Variants in EPHA5 observed in about 807,000 individuals in gnomAD.
EPHA5 encodes EPH receptor A5.
A neutral mutation model predicts 105.0 loss-of-function variants in EPHA5; 60 were observed. The ratio of observed to expected loss-of-function variants is 0.57; its 90% confidence interval spans 0.46 to 0.71. The LOEUF (loss-of-function observed/expected upper bound fraction) is 0.71, where lower values mean the gene tolerates loss of function less well. EPHA5 is among the 30% of genes least tolerant of loss of function. The pLI is 0.00. For synonymous variants in EPHA5, 513 were observed against 449.1 expected (o/e 1.14, Z -1.80); for missense variants, 1,218 against 1,274.7 (o/e 0.96, Z 0.68).
intron 3 of EPHA5, among the ~76,000 whole-genome samples, chr4:65,591,303 T>C (rs1742624250): frequency 6.6e-6 from 1 of 152,094 alleles, no homozygotes; most frequent in Non-Finnish European, 1.5e-5. Flanking sequence ...AATCTTATTG[T>C]AATAACTAGT....
intron 3 of EPHA5, among the ~76,000 whole-genome samples, chr4:65,500,298 T>G (rs1484103003): frequency 6.6e-6 from 1 of 151,298 alleles, no homozygotes; most frequent in African/African-American, 2.4e-5. Flanking sequence ...GCACCCATAT[T>G]GACATGTTTC....
chr4:65,491,279 G>A (rs547996531), intron 4 of EPHA5, among the ~76,000 whole-genome samples: 16 of 150,828 alleles, frequency 1.1e-4, no homozygotes, highest in Admixed American at 9.9e-4. Flanking sequence ...TATCAAAAAA[G>A]CATTAGAATT....
intron 5 of EPHA5, among the ~76,000 whole-genome samples, chr4:65,455,008 G>A (rs58657993): frequency 0.012 from 1,869 of 152,234 alleles, 44 homozygotes; most frequent in African/African-American, 0.042. Flanking sequence ...CACTTTGGGA[G>A]GCCGAGGCGG....
At chr4:65,422,040 C>T (rs1421299258) in intron 5 of EPHA5, among the ~76,000 whole-genome samples, 1 of 152,128 alleles carries the variant, frequency 6.6e-6, no homozygotes, top group African/African-American at 2.4e-5. Flanking sequence ...AGGTGGAATA[C>T]TTTGTTATTT....
chr4:65,431,381 T>C (rs1724960302), intron 5 of EPHA5, among the ~76,000 whole-genome samples: 1 of 152,156 alleles, frequency 6.6e-6, no homozygotes, highest in Non-Finnish European at 1.5e-5. Context: ...ACTTCACGAT[T>C]AATAAATAAT....
At chr4:65,452,656 C>T (rs577276392) in intron 5 of EPHA5, among the ~76,000 whole-genome samples, 8 of 150,384 alleles carry the variant, frequency 5.3e-5, no homozygotes, top group Non-Finnish European at 8.9e-5. Flanking sequence ...AATGTGTAAA[C>T]ATTCACTTAA....
intron 2 of EPHA5, among the ~76,000 whole-genome samples, chr4:65,637,269 A>C (rs1747212510): frequency 6.6e-6 from 1 of 151,708 alleles, no homozygotes; most frequent in Non-Finnish European, 1.5e-5. Flanking sequence ...AACAAACAAA[A>C]AAAAATGTGG....
intron 2 of EPHA5, 64 bp from the exon 3 acceptor site, chr4:65,602,368 G>A (rs1008532032): frequency 2.3e-6 from 3 of 1,320,682 alleles, no homozygotes; most frequent in Non-Finnish European, 3.0e-6. Context: ...AGGAACTATA[G>A]CAAAAATTAT....
chr4:65,394,531 G>A lies in EPHA5; in HGVS notation c.1793+9843C>T, dbSNP rs542248256. Among the ~76,000 whole-genome samples the A allele has an allele frequency of 2.6e-5, 4 of 152,258 alleles. No homozygotes were observed. In the South Asian group the frequency reaches 8.3e-4, roughly 32 times the overall value. On this transcript the variant is annotated intron_variant, in intron 8 of 16. Transcript: ENST00000613740. ...ACAGACTAAAAATGATGCATGGTGT[G>A]TAGAGGAAACAATCAGGTCATCTTT...
chr4:65,371,790 A>G (rs1420015658), intron 8 of EPHA5, among the ~76,000 whole-genome samples: 1 of 152,016 alleles, frequency 6.6e-6, no homozygotes, highest in Non-Finnish European at 1.5e-5. Context: ...GTCTATAGAA[A>G]TATACCCTAA....
intron 5 of EPHA5, among the ~76,000 whole-genome samples, chr4:65,429,411 C>T (rs1724766856): frequency 6.6e-6 from 1 of 151,834 alleles, no homozygotes; most frequent in Non-Finnish European, 1.5e-5. Context: ...AAAAATTAGT[C>T]TCCTCTTATA....
At chr4:65,425,206 A>G (rs182438696) in intron 5 of EPHA5, among the ~76,000 whole-genome samples, 3 of 151,844 alleles carry the variant, frequency 2.0e-5, no homozygotes, top group Non-Finnish European at 2.9e-5. Flanking sequence ...AAACTTTCCA[A>G]CTGAAGTCCC....
intron 11 of EPHA5, among the ~76,000 whole-genome samples, chr4:65,356,706 T>C (rs1335208678): frequency 6.6e-6 from 1 of 151,580 alleles, no homozygotes; most frequent in Non-Finnish European, 1.5e-5. Context: ...AAGTATGATC[T>C]TCTTTTGTTG....
At chr4:65,636,657 A>C (rs1485813315) in intron 2 of EPHA5, among the ~76,000 whole-genome samples, 1 of 152,182 alleles carries the variant, frequency 6.6e-6, no homozygotes. Context: ...GCTATATGAC[A>C]CTGCATGTGC....
chr4:65,394,737 T>C (rs1426851567), intron 8 of EPHA5, among the ~76,000 whole-genome samples: 2 of 152,148 alleles, frequency 1.3e-5, no homozygotes, highest in East Asian at 3.9e-4. Flanking sequence ...AGCTATAAAT[T>C]AGATAAGATC....
At chr4:65,411,409 CA>C (rs1347908099) in intron 7 of EPHA5, among the ~76,000 whole-genome samples, 1 of 151,838 alleles carries the variant, frequency 6.6e-6, no homozygotes, top group Admixed American at 6.6e-5. Flanking sequence ...ATAAAAATGC[CA>C]AAAAGTGTCA....
Position 65,601,666 on chromosome 4 carries a change from A to G in EPHA5, c.885T>C (p.Tyr295=), listed in dbSNP as rs144854903. Residue 295 remains tyrosine (Y), a synonymous_variant, in exon 3 of 17, where the codon TAT becomes TAC. Coordinates refer to ENST00000613740, the MANE Select transcript of EPHA5 (RefSeq NM_001281766.3). The part of the protein sequence containing the change: ...PIGKCMCKAG[Y]EEKNGTCQVC... ...CTTGACAGGTGCCATTTTTCTCTTC[A>G]TATCCTGCCTTGCACATGCATTTCC... 6.8e-5 allele frequency: 110 copies of G among 1,614,004 alleles called. No homozygotes were observed. In the African/African-American group the frequency reaches 1.3e-3, roughly 19 times the overall value.
chr4:65,465,871 C>A (rs1728670352), intron 5 of EPHA5, among the ~76,000 whole-genome samples: 1 of 152,202 alleles, frequency 6.6e-6, no homozygotes, highest in South Asian at 2.1e-4. Context: ...CTCGTTCACT[C>A]ATTTTTTTGA....
rs199614818 is a variant in EPHA5 at position 65,490,529 on chromosome 4, C to A, written c.1250G>T (p.Arg417Leu). ...ECGGHVRYLP[R>L]QSGLKNTSVM... is the part of the protein sequence containing the mutation. ...AGAGGTGTTTTTCAGGCCGCTTTGC[C>A]GGGGAAGGTACCTGACATGACCGCC... is the stretch of plus-strand genomic sequence containing the variant. The change falls in exon 5 of 17, where the codon CGG (arginine) becomes CTG (leucine). Residue 417 changes from arginine to leucine, a missense_variant. Arg to Leu is a moderately radical substitution (Grantham distance 102). Around this residue, in one of 3 missense-constraint regions of EPHA5, gnomAD observed 971 missense variants for 1,013.5 expected, o/e 0.96. Transcript: ENST00000613740. The A allele has an allele frequency of 1.2e-6, 2 of 1,614,012 alleles. No homozygotes were observed. Among genetic ancestry groups the A allele is most frequent in the East Asian group, 4.5e-5 (2 of 44,862 alleles).
Sources: gnomAD v4.1 joint callset for allele counts (sites outside exome capture counted in the v4.1 genomes callset) on GRCh38, gnomAD v4.1.1 for gene constraint, gnomAD v4.1.1 regional missense constraint, MANE v1.5 for transcripts, NCBI Gene and HGNC (gene_info 2026-07-23, HGNC 2026-07-21) for gene names.